Variants in CD226 observed in about 807,000 individuals in gnomAD.
CD226 encodes the protein CD226 antigen.
CD226 carries 24 observed loss-of-function variants against 34.9 expected under a neutral mutation model. The observed-to-expected ratio is 0.69, with a 90% CI of 0.50 to 0.97. The LOEUF (loss-of-function observed/expected upper bound fraction) is 0.97. Ranked by LOEUF, CD226 falls within the 50% of genes least tolerant of loss-of-function variation. CD226 has a pLI of 0.00. For missense variants in CD226, 397 were observed against 412.7 expected (o/e 0.96, Z 0.33); for synonymous variants, 148 against 147.4 (o/e 1.00, Z -0.03).
chr18:69,885,799 G>A (rs1237198868), intron 3 of CD226, among the ~76,000 whole-genome samples: 4 of 152,004 alleles, frequency 2.6e-5, no homozygotes, highest in Non-Finnish European at 4.4e-5. Flanking sequence ...CCTGCCTCAC[G>A]TGACTCCATG....
intron 2 of CD226, among the ~76,000 whole-genome samples, chr18:69,924,550 CA>C (rs79328097): frequency 0.044 from 4,174 of 94,412 alleles, 195 homozygotes; most frequent in African/African-American, 0.14. Context: ...CCTAGACTTA[CA>C]AAAAAAAAAA....
chr18:69,901,707 G>C (rs1045735176), intron 2 of CD226, among the ~76,000 whole-genome samples: 1 of 151,004 alleles, frequency 6.6e-6, no homozygotes, highest in African/African-American at 2.4e-5. Flanking sequence ...GTGAAACCCC[G>C]TCTCTACTAA....
At chr18:69,951,341 G>A (rs1231814108), upstream of CD226, among the ~76,000 whole-genome samples, 1 of 152,104 alleles carries the variant, frequency 6.6e-6, no homozygotes, top group Admixed American at 6.5e-5. Context: ...GCCCATCAGA[G>A]TGAAGGAAGT....
chr18:69,883,282 T>C (rs1396454924), intron 3 of CD226, among the ~76,000 whole-genome samples: 1 of 152,070 alleles, frequency 6.6e-6, no homozygotes, highest in Non-Finnish European at 1.5e-5. Flanking sequence ...TTGTTTTTTA[T>C]AACAATAAAA....
chr18:69,927,544 TC>T (rs2055537974), intron 2 of CD226, among the ~76,000 whole-genome samples: 1 of 151,992 alleles, frequency 6.6e-6, no homozygotes, highest in Non-Finnish European at 1.5e-5. Flanking sequence ...TGTTCTCCCA[TC>T]CCCCACCCCC....
chr18:69,914,368 G>A (rs1475430990), intron 2 of CD226, among the ~76,000 whole-genome samples: 1 of 152,182 alleles, frequency 6.6e-6, no homozygotes, highest in Admixed American at 6.5e-5. Context: ...GAAACTCACA[G>A]TGAACACCAT....
At chr18:69,951,972 C>T (rs1002170685), upstream of CD226, among the ~76,000 whole-genome samples, 1 of 152,144 alleles carries the variant, frequency 6.6e-6, no homozygotes, top group African/African-American at 2.4e-5. Context: ...TATACCTGCC[C>T]TTATATGTTT....
chr18:69,910,096 TTTTCA>T, intron 2 of CD226, among the ~76,000 whole-genome samples: 1 of 152,364 alleles, frequency 6.6e-6, no homozygotes, highest in East Asian at 1.9e-4. Context: ...GCCTGAACTT[TTTTCA>T]TTTATTTCTC....
upstream of CD226, among the ~76,000 whole-genome samples, chr18:69,952,452 A>G (rs2055862411): frequency 6.6e-6 from 1 of 152,258 alleles, no homozygotes; most frequent in African/African-American, 2.4e-5. Flanking sequence ...ATAAGCCCAT[A>G]CATCTATGAA....
chr18:69,907,412 A>G (rs2055268651), intron 2 of CD226, among the ~76,000 whole-genome samples: 1 of 152,140 alleles, frequency 6.6e-6, no homozygotes, highest in Admixed American at 6.5e-5. Flanking sequence ...GGTTCAAGCA[A>G]TTCTGCTGCC....
At chr18:69,891,999 T>C (rs907753130) in intron 3 of CD226, among the ~76,000 whole-genome samples, 1 of 152,170 alleles carries the variant, frequency 6.6e-6, no homozygotes, top group Admixed American at 6.5e-5. Context: ...CAGTCTCCCA[T>C]GCACCATCTC....
At chr18:69,867,865 T>C (rs551464429) in intron 4 of CD226, among the ~76,000 whole-genome samples, 8 of 152,394 alleles carry the variant, frequency 5.2e-5, no homozygotes, top group Middle Eastern at 3.4e-3. Flanking sequence ...GATTATTTTA[T>C]TAAATCACTT....
intron 2 of CD226, among the ~76,000 whole-genome samples, chr18:69,924,919 A>G (rs1048952539): frequency 6.6e-6 from 1 of 152,256 alleles, no homozygotes; most frequent in African/African-American, 2.4e-5. Flanking sequence ...GAATAAAAAC[A>G]GAGTAACAAG....
At chr18:69,902,796 C>T (rs150020755) in intron 2 of CD226, among the ~76,000 whole-genome samples, 2 of 152,086 alleles carry the variant, frequency 1.3e-5, no homozygotes, top group Admixed American at 1.3e-4. Flanking sequence ...CCCAGCATTG[C>T]CCTAAGCCAT....
upstream of CD226, among the ~76,000 whole-genome samples, chr18:69,957,655 C>T (rs1057399484): frequency 2.6e-5 from 4 of 152,180 alleles, no homozygotes; most frequent in African/African-American, 7.2e-5. Context: ...CTACCCTGCA[C>T]ATTTAATTAT....
In CD226 at chr18:69,864,385, T is replaced by C. The variant is rs1005237225; in HGVS notation, c.940A>G (p.Met314Val). 4 of 1,613,292 alleles carry C rather than the reference T, an allele frequency of 2.5e-6. No individual in the cohort carries two copies. The highest frequency in any genetic ancestry group is 1.3e-5 in the African/African-American group (1 of 74,898). The change falls in exon 6 of 6, where the codon ATG becomes GTG. Residue 314 changes from methionine to valine, a missense_variant. By Grantham distance (21) the Met-to-Val change is conservative (BLOSUM62 1). Transcript: ENST00000582621. ...TAAATATCCTCTCTTGTATCATCCA[T>C]GGATTGATTGGTAGGTTGACTGGTA... is the stretch of plus-strand genomic sequence containing the variant. The part of the protein sequence containing the change: ...ISTSQPTNQS[M>V]DDTREDIYVN...
At chr18:69,950,675 T>C (rs1357335319), upstream of CD226, among the ~76,000 whole-genome samples, 1 of 152,094 alleles carries the variant, frequency 6.6e-6, no homozygotes, top group Non-Finnish European at 1.5e-5. Flanking sequence ...TGGAAGTTTT[T>C]CAATCATTGT....
intron 3 of CD226, among the ~76,000 whole-genome samples, chr18:69,894,222 A>T (rs1051710811): frequency 6.9e-6 from 1 of 144,914 alleles, no homozygotes; most frequent in Non-Finnish European, 1.5e-5. Context: ...TTCTGTAAAT[A>T]AAAAAAAAAT....
intron 3 of CD226, among the ~76,000 whole-genome samples, chr18:69,888,656 G>A (rs901562869): frequency 2.6e-5 from 4 of 152,052 alleles, no homozygotes; most frequent in Non-Finnish European, 4.4e-5. Context: ...GAAAAGAGTT[G>A]AAAATTCAAT....
Sources: allele counts gnomAD v4.1 joint callset (sites outside exome capture counted in the v4.1 genomes callset), GRCh38; gene constraint gnomAD v4.1.1; transcripts MANE v1.5; gene names NCBI Gene and HGNC (gene_info 2026-07-23, HGNC 2026-07-21).